Variants in CFAP97D2 observed in about 807,000 individuals in gnomAD.
CFAP97D2 encodes uncharacterized protein CFAP97D2.
chr13:114,199,054 CCGCTGAGGCGTGACGG>C (rs2080903158), intron 2 of CFAP97D2, among the ~76,000 whole-genome samples: 1 of 71,162 alleles, frequency 1.4e-5, no homozygotes, highest in Non-Finnish European at 2.5e-5. Context: ...GGTACGGTCC[CCGCTGAGGCGTGACGG>C]CGCGTCCCCG....
At chr13:114,220,554 C>T (rs2081016873) in intron 4 of CFAP97D2, among the ~76,000 whole-genome samples, 1 of 152,140 alleles carries the variant, frequency 6.6e-6, no homozygotes, top group African/African-American at 2.4e-5. Flanking sequence ...AATTTTGTAC[C>T]TGTTTCTACT....
chr13:114,195,183 C>T (rs368584335), intron 1 of CFAP97D2, among the ~76,000 whole-genome samples: 112 of 152,364 alleles, frequency 7.4e-4, no homozygotes, highest in African/African-American at 2.6e-3. Context: ...ATTGGCCTCC[C>T]TGCCTTCCTT....
rs569807563 is a variant in CFAP97D2, at chr13:114,183,163, ATTAT to A, written c.90+3762_90+3765del. Among the ~76,000 whole-genome samples the A allele has an allele frequency of 3.3e-5, 5 of 151,972 alleles. No individual in the cohort carries two copies. In the East Asian group the frequency reaches 5.8e-4, roughly 18 times the overall value. On this transcript the variant is annotated intron_variant, in intron 1 of 4. Coordinates refer to ENST00000646158, the Ensembl canonical transcript of CFAP97D2. ...CTACAACAAGATATCACAGATTGTC[ATTAT>A]TTATTTATTTATTTATTTTGAGACA... is the stretch of plus-strand genomic sequence containing the variant.
chr13:114,216,311 T>C (rs2080992929), intron 4 of CFAP97D2, among the ~76,000 whole-genome samples: 1 of 152,232 alleles, frequency 6.6e-6, no homozygotes, highest in Non-Finnish European at 1.5e-5. Flanking sequence ...TCTGTTATAC[T>C]TTAAGTTCTA....
chr13:114,181,016 G>A (rs767547927), intron 1 of CFAP97D2, among the ~76,000 whole-genome samples: 13 of 152,210 alleles, frequency 8.5e-5, no homozygotes, highest in African/African-American at 2.4e-4. Flanking sequence ...CTGTGACGTC[G>A]GAAACCTACA....
intron 3 of CFAP97D2, among the ~76,000 whole-genome samples, chr13:114,205,278 T>C (rs1452135427): frequency 6.6e-6 from 1 of 152,234 alleles, no homozygotes; most frequent in African/African-American, 2.4e-5. Flanking sequence ...ATTAAACATA[T>C]TTTAATAAAT....
intron 1 of CFAP97D2, among the ~76,000 whole-genome samples, 166 bp from the exon 2 acceptor site, chr13:114,196,230 C>T (rs1361058977): frequency 6.6e-6 from 1 of 152,142 alleles, no homozygotes; most frequent in Non-Finnish European, 1.5e-5. Context: ...CTGGCTTCCT[C>T]CAGGGGATAC....
At chr13:114,218,257 G>A (rs1262308175) in intron 4 of CFAP97D2, among the ~76,000 whole-genome samples, 1 of 152,176 alleles carries the variant, frequency 6.6e-6, no homozygotes, top group Admixed American at 6.5e-5. Flanking sequence ...GCCAAATCAT[G>A]AGTGAACTCC....
In CFAP97D2 at chr13:114,179,336, C is replaced by T. The variant is rs930140578; in HGVS notation, c.6C>T (p.His2=). 1.3e-5 allele frequency: 5 copies of T among 398,578 alleles called. No individual in the cohort carries two copies. The highest frequency in any genetic ancestry group is 2.2e-5 in the Non-Finnish European group (5 of 226,162). The allele number at this position is 398,578 out of a possible 1,614,324, so 24.7% of individuals were successfully genotyped here. A position where few individuals can be genotyped will look rare whatever the true frequency, so the allele number is the denominator to read the frequency against. Reference sequence around the variant, plus strand: ...AAGACGATTTTGTTGCTGAGATGCACGGAGCCCCCCGGCTGACCTTTCCCT... The same window carrying T: ...AAGACGATTTTGTTGCTGAGATGCATGGAGCCCCCCGGCTGACCTTTCCCT... The change falls in exon 1 of 5, where the codon CAC becomes CAT. Residue 2 remains histidine, a synonymous_variant. Transcript: ENST00000646158. This position sits in a 1 kb window ranked among gnomAD's most constrained non-coding sequence, Gnocchi z 4.8.
At position 114,211,205 on chromosome 13, in the gene CFAP97D2, G is replaced by GCAGCCCCCCATGGCTCCCT. The variant is rs1310323144; in HGVS notation, c.291-705_291-687dup. ...TCAAACCCCTACTCTAGGCGCTTCC[G>GCAGCCCCCCATGGCTCCCT]CAGCCCCCCATGGCTCCCTCTCCAT... On this transcript the variant is annotated intron_variant, in intron 3 of 4. Coordinates refer to ENST00000646158, the Ensembl canonical transcript of CFAP97D2. The surrounding 1 kb of genome is among the most constrained non-coding windows in gnomAD (Gnocchi z 4.2). 3.9e-5 allele frequency among the ~76,000 whole-genome samples: 6 copies of GCAGCCCCCCATGGCTCCCT among 152,062 alleles called. No individual in the cohort carries two copies. The highest frequency in any genetic ancestry group is 1.4e-4 in the African/African-American group (6 of 41,398).
chr13:114,183,809 C>T (rs907759515), intron 1 of CFAP97D2, among the ~76,000 whole-genome samples: 6 of 152,186 alleles, frequency 3.9e-5, no homozygotes, highest in African/African-American at 7.2e-5. Context: ...AGTTTCCACA[C>T]GAACAATGGA....
chr13:114,197,734 G>C (rs1479426416), intron 2 of CFAP97D2, among the ~76,000 whole-genome samples: 1 of 152,204 alleles, frequency 6.6e-6, no homozygotes, highest in African/African-American at 2.4e-5. Context: ...CCAGGCTGGA[G>C]TCCAGTGATA....
rs191884561 is a variant in CFAP97D2 at position 114,207,698 on chromosome 13, G to C, written c.291-4214G>C. On this transcript the variant is annotated intron_variant, in intron 3 of 4. Transcript: ENST00000646158. The surrounding 1 kb of genome is among the most constrained non-coding windows in gnomAD (Gnocchi z 4.9). ...CTGGTTCCTAACAGGCCACAGACTG[G>C]TATGGGTCCATGGCCCGGGGGTTGG... 6.6e-6 allele frequency among the ~76,000 whole-genome samples: 1 copy of C among 152,310 alleles called. No homozygotes were observed. Among genetic ancestry groups the C allele is most frequent in the Admixed American group, 6.5e-5 (1 of 15,306 alleles).
rs2080855489 is a variant in CFAP97D2 at position 114,187,226 on chromosome 13, A to AC, written c.90+7806_90+7807insC. The stretch of plus-strand genomic sequence containing the variant: ...GGGAGAGAAAATGGAATCATATAAA[A>AC]TGCTCAATTAAAACCACAAAAGGCA... On this transcript the variant is annotated intron_variant, in intron 1 of 4. Coordinates refer to ENST00000646158, the Ensembl canonical transcript of CFAP97D2. The surrounding 1 kb of genome is among the most constrained non-coding windows in gnomAD (Gnocchi z 4.2). 6.6e-6 allele frequency among the ~76,000 whole-genome samples: 1 copy of AC among 152,216 alleles called. No homozygotes were observed. The highest frequency in any genetic ancestry group is 2.1e-4 in the South Asian group (1 of 4,834).
At chr13:114,212,906 T>C (rs970674415) in intron 4 of CFAP97D2, among the ~76,000 whole-genome samples, 1 of 152,080 alleles carries the variant, frequency 6.6e-6, no homozygotes, top group Non-Finnish European at 1.5e-5. Flanking sequence ...AAAGAAATCA[T>C]GTGATGATCC....
rs1233471197 is a variant in CFAP97D2, at chr13:114,186,775, C to T, written c.90+7355C>T. On this transcript the variant is annotated intron_variant, in intron 1 of 4. Transcript: ENST00000646158. This position sits in a 1 kb window ranked among gnomAD's most constrained non-coding sequence, Gnocchi z 4.3. ...CATGCTGGCACCTGGAGCTGCCCATCTCACTGCAGCAGCTGGCATGACTGG... is the reference window on the plus strand; with the variant it reads ...CATGCTGGCACCTGGAGCTGCCCATTTCACTGCAGCAGCTGGCATGACTGG... Among the ~76,000 whole-genome samples, 3 of 152,258 alleles carry T rather than the reference C, an allele frequency of 2.0e-5. No individual in the cohort carries two copies. The highest frequency in any genetic ancestry group is 7.2e-5 in the African/African-American group (3 of 41,468).
chr13:114,182,046 C>A (rs183458095), intron 1 of CFAP97D2, among the ~76,000 whole-genome samples: 2 of 152,180 alleles, frequency 1.3e-5, no homozygotes, highest in African/African-American at 4.8e-5. Flanking sequence ...CTCAGCATAC[C>A]AAGGACCTGC....
intron 2 of CFAP97D2, 89 bp downstream of exon 2, chr13:114,196,565 G>A (rs2080888245): frequency 5.0e-6 from 2 of 397,580 alleles, no homozygotes; most frequent in Non-Finnish European, 8.9e-6. Context: ...GGCAGGGTTA[G>A]TAAGGAATAA....
intron 1 of CFAP97D2, among the ~76,000 whole-genome samples, chr13:114,193,012 T>A (rs914421403): frequency 1.3e-5 from 2 of 152,216 alleles, no homozygotes; most frequent in African/African-American, 4.8e-5. Context: ...GTATCTTAAT[T>A]AATAGAAAAA....
Sources: gnomAD v4.1 joint callset for allele counts (sites outside exome capture counted in the v4.1 genomes callset) on GRCh38, gnomAD v4.1.1 for gene constraint, Gnocchi (gnomAD v3.1) non-coding constraint, MANE v1.5 for transcripts, NCBI Gene and HGNC (gene_info 2026-07-23, HGNC 2026-07-21) for gene names.